CCSER1: variants seen among roughly 807,000 people sequenced by gnomAD.
CCSER1 encodes coiled-coil serine rich protein 1, also known as serine-rich coiled-coil domain-containing protein 1.
CCSER1 carries 41 observed loss-of-function variants against 82.0 expected under a neutral mutation model. The ratio of observed to expected loss-of-function variants is 0.50; its 90% CI spans 0.39 to 0.65. The LOEUF is 0.65. CCSER1 is among the 30% of genes least tolerant of loss of function. CCSER1 has a pLI of 0.00. For synonymous variants in CCSER1, 414 were observed against 383.9 expected, an observed-to-expected ratio of 1.08 and a Z score of -0.92; for missense variants, 1,119 against 1,064.2, an observed-to-expected ratio of 1.05 and a Z score of -0.72.
chr4:91,054,259 C>T (rs1561506925), intron 9 of CCSER1, among the ~76,000 whole-genome samples: 1 of 152,198 alleles, frequency 6.6e-6, no homozygotes, highest in Non-Finnish European at 1.5e-5. Context: ...CCAGGCCAGG[C>T]ACCAATTTAA....
rs186466398 is a variant in CCSER1, at chr4:90,860,170, C to A, written c.2094+44325C>A. On this transcript the variant is annotated intron_variant, in intron 8 of 10. Coordinates refer to ENST00000509176, the MANE Select transcript of CCSER1 (RefSeq NM_001145065.2). The stretch of plus-strand genomic sequence containing the variant: ...AATTCAACAATAAAAAGAAAAATAA[C>A]CTAGTTTTAAAATGGGCATACCATT... 7.3e-5 allele frequency among the ~76,000 whole-genome samples: 11 copies of A among 151,468 alleles called. No individual in the cohort carries two copies. In the East Asian group the frequency reaches 1.7e-3, roughly 24 times the overall value.
chr4:91,101,821 G>C (rs1043002922), intron 10 of CCSER1, among the ~76,000 whole-genome samples: 2 of 152,218 alleles, frequency 1.3e-5, no homozygotes, highest in African/African-American at 4.8e-5. Context: ...GTGACTCAGA[G>C]AGTGACAAAA....
chr4:91,474,138 A>G (rs1356645148), intron 10 of CCSER1, among the ~76,000 whole-genome samples: 1 of 151,936 alleles, frequency 6.6e-6, no homozygotes, highest in African/African-American at 2.4e-5. Flanking sequence ...GGTGATTTTT[A>G]CACAGTAAAA....
At chr4:90,544,378 T>C (rs2153637340) in intron 5 of CCSER1, among the ~76,000 whole-genome samples, 1 of 152,200 alleles carries the variant, frequency 6.6e-6, no homozygotes, top group South Asian at 2.1e-4. Context: ...GTCAAAAGAA[T>C]ACAGATTAAA....
chr4:90,825,881 G>A (rs1446175481), intron 8 of CCSER1, among the ~76,000 whole-genome samples: 3 of 151,564 alleles, frequency 2.0e-5, no homozygotes, highest in Non-Finnish European at 2.9e-5. Flanking sequence ...TAGTAGAGAC[G>A]GGGTTTCGCC....
At chr4:90,808,758 A>C (rs905977218) in intron 7 of CCSER1, among the ~76,000 whole-genome samples, 1 of 152,228 alleles carries the variant, frequency 6.6e-6, no homozygotes, top group African/African-American at 2.4e-5. Context: ...GGATGTGGTA[A>C]ATGGTGAAAA....
chr4:90,607,260 G>A (rs959837450), intron 5 of CCSER1, among the ~76,000 whole-genome samples: 13 of 152,090 alleles, frequency 8.5e-5, no homozygotes, highest in East Asian at 1.9e-4. Context: ...TGATATATAT[G>A]TCAATATTTA....
At chr4:90,271,550 T>C (rs1287494562) in intron 1 of CCSER1, among the ~76,000 whole-genome samples, 1 of 151,724 alleles carries the variant, frequency 6.6e-6, no homozygotes, top group Non-Finnish European at 1.5e-5. Flanking sequence ...AAATAAAACT[T>C]TGGGGAAACT....
intron 10 of CCSER1, among the ~76,000 whole-genome samples, chr4:91,181,345 CA>C (rs1243838622): frequency 6.6e-6 from 1 of 152,190 alleles, no homozygotes; most frequent in Admixed American, 6.5e-5. Flanking sequence ...ACAGAACTTC[CA>C]GGTGTTTTTA....
chr4:90,238,480 C>G (rs1381797368), intron 1 of CCSER1, among the ~76,000 whole-genome samples: 2 of 152,196 alleles, frequency 1.3e-5, no homozygotes, highest in African/African-American at 2.4e-5. Flanking sequence ...AATAATGCAA[C>G]AGCTAACATT....
At chr4:91,043,068 C>T (rs1164566423) in intron 9 of CCSER1, among the ~76,000 whole-genome samples, 2 of 151,524 alleles carry the variant, frequency 1.3e-5, no homozygotes, top group African/African-American at 4.9e-5. Flanking sequence ...TATTTGAGAT[C>T]AGAAAGCAAC....
intron 9 of CCSER1, among the ~76,000 whole-genome samples, chr4:90,983,677 C>T (rs2150428226): frequency 6.6e-6 from 1 of 151,704 alleles, no homozygotes; most frequent in Non-Finnish European, 1.5e-5. Flanking sequence ...ACAAAAAGCA[C>T]CAAAGGGAAG....
At chr4:90,633,318 A>G (rs1389779325) in intron 6 of CCSER1, among the ~76,000 whole-genome samples, 3 of 152,024 alleles carry the variant, frequency 2.0e-5, no homozygotes, top group African/African-American at 7.2e-5. Context: ...CTCCTCTTTA[A>G]AAGAAGTGTA....
chr4:90,697,951 C>T (rs149451230), intron 6 of CCSER1, among the ~76,000 whole-genome samples: 7 of 151,996 alleles, frequency 4.6e-5, no homozygotes, highest in Non-Finnish European at 1.0e-4. Flanking sequence ...CATAGGAGTT[C>T]AGCAAAATGC....
intron 10 of CCSER1, among the ~76,000 whole-genome samples, chr4:91,214,012 G>T (rs2149089044): frequency 6.6e-6 from 1 of 152,202 alleles, no homozygotes; most frequent in African/African-American, 2.4e-5. Flanking sequence ...TAGAGAACTA[G>T]ACCTTATATG....
intron 1 of CCSER1, among the ~76,000 whole-genome samples, chr4:90,151,192 A>G (rs2153350955): frequency 6.6e-6 from 1 of 152,254 alleles, no homozygotes; most frequent in Admixed American, 6.5e-5. Context: ...TACTTATACA[A>G]AATGAAATGA....
chr4:90,293,126 C>T (rs1731231007), intron 1 of CCSER1, among the ~76,000 whole-genome samples: 3 of 151,902 alleles, frequency 2.0e-5, no homozygotes, highest in African/African-American at 4.8e-5. Context: ...CATCTTTATA[C>T]ATCTTTTACA....
intron 9 of CCSER1, among the ~76,000 whole-genome samples, chr4:91,031,368 G>T (rs1740967708): frequency 6.6e-6 from 1 of 151,886 alleles, no homozygotes; most frequent in African/African-American, 2.4e-5. Context: ...TTATGATCTG[G>T]GTCTACTGTA....
chr4:90,199,559 A>G (rs201240721), intron 1 of CCSER1, among the ~76,000 whole-genome samples: 7 of 150,564 alleles, frequency 4.6e-5, no homozygotes, highest in Non-Finnish European at 8.8e-5. Flanking sequence ...CATAAACCCA[A>G]CTGTACATAA....
Sources: allele counts gnomAD v4.1 joint callset (sites outside exome capture counted in the v4.1 genomes callset), GRCh38; gene constraint gnomAD v4.1.1; transcripts MANE v1.5; gene names NCBI Gene and HGNC (gene_info 2026-07-23, HGNC 2026-07-21).